The following CNTNAP2 variants were observed in gnomAD, a reference collection of about 807,000 sequenced individuals.
CNTNAP2 encodes contactin associated protein 2.
In CNTNAP2, 98 loss-of-function variants were observed where a neutral mutation model predicts 155.2. The ratio of observed to expected loss-of-function variants is 0.63; its 90% CI spans 0.54 to 0.75. The LOEUF is 0.75. Ranked by LOEUF, CNTNAP2 falls within the 30% of genes least tolerant of loss-of-function variation. The pLI, the probability that CNTNAP2 is intolerant of heterozygous loss-of-function variation, is 0.00. For missense variants in CNTNAP2, 1,727 were observed against 1,688.1 expected (o/e 1.02, Z -0.40); for synonymous variants, 651 against 631.2 (o/e 1.03, Z -0.47).
chr7:146,981,507 G>T (rs763427534), intron 3 of CNTNAP2, among the ~76,000 whole-genome samples: 112 of 152,066 alleles, frequency 7.4e-4, no homozygotes, highest in Non-Finnish European at 1.5e-3. Context: ...AATGTATCTT[G>T]GTGTGATACG....
At chr7:147,983,038 C>T (rs1413281147) in intron 15 of CNTNAP2, among the ~76,000 whole-genome samples, 8 of 91,900 alleles carry the variant, frequency 8.7e-5, no homozygotes, top group Non-Finnish European at 2.0e-4. Context: ...AAAAAAAAAG[C>T]AAAAACAGAC....
chr7:146,180,748 A>G (rs992272818), intron 1 of CNTNAP2, among the ~76,000 whole-genome samples: 8 of 152,304 alleles, frequency 5.3e-5, no homozygotes, highest in East Asian at 3.9e-4. Context: ...TCTTCACCAC[A>G]GTCTTTGAAG....
In CNTNAP2 at chr7:146,503,345, A is replaced by G. The variant is rs1180255948; in HGVS notation, c.98-270926A>G. Among the ~76,000 whole-genome samples the G allele has an allele frequency of 2.6e-5, 4 of 152,320 alleles. No homozygotes were observed. In the East Asian group the frequency reaches 7.7e-4, roughly 29 times the overall value. ...CTCAGGATGGCTTTGAATATGGCCC[A>G]GTACAAATTTGTAAACTTTCTTAAA... On this transcript the variant is annotated intron_variant, in intron 1 of 23. Coordinates refer to ENST00000361727, the MANE Select transcript of CNTNAP2 (RefSeq NM_014141.6).
intron 9 of CNTNAP2, among the ~76,000 whole-genome samples, chr7:147,353,069 A>G (rs1795994912): frequency 6.8e-6 from 1 of 147,956 alleles, no homozygotes; most frequent in Non-Finnish European, 1.5e-5. Context: ...CTGTTTCAGC[A>G]TGTAGAATTC....
At chr7:148,309,100 G>A (rs1050974663) in intron 21 of CNTNAP2, among the ~76,000 whole-genome samples, 1 of 152,166 alleles carries the variant, frequency 6.6e-6, no homozygotes, top group African/African-American at 2.4e-5. Flanking sequence ...CCAGTAATGG[G>A]ATTGCTGGGT....
intron 2 of CNTNAP2, among the ~76,000 whole-genome samples, chr7:146,836,839 C>A (rs111468910): frequency 0.024 from 3,592 of 151,974 alleles, 162 homozygotes; most frequent in African/African-American, 0.084. Context: ...TTGAATATTA[C>A]GTTATTTTTA....
chr7:147,239,880 G>A (rs540348143), intron 8 of CNTNAP2, among the ~76,000 whole-genome samples: 1 of 152,234 alleles, frequency 6.6e-6, no homozygotes, highest in East Asian at 1.9e-4. Context: ...TGAGCTCCAA[G>A]TCGTAATGCA....
chr7:148,215,343 G>T (rs1351461434), intron 18 of CNTNAP2, among the ~76,000 whole-genome samples: 1 of 152,194 alleles, frequency 6.6e-6, no homozygotes, highest in African/African-American at 2.4e-5. Context: ...GGTGACACCA[G>T]TCCAAGTTTG....
chr7:146,493,582 A>C (rs1463771424), intron 1 of CNTNAP2, among the ~76,000 whole-genome samples: 1 of 152,128 alleles, frequency 6.6e-6, no homozygotes, highest in Non-Finnish European at 1.5e-5. Context: ...GGTTTCTGGG[A>C]CAGGTAAGGA....
intron 18 of CNTNAP2, among the ~76,000 whole-genome samples, chr7:148,201,708 G>A (rs1446431774): frequency 6.6e-6 from 1 of 151,996 alleles, no homozygotes. Context: ...GGGATGGGCA[G>A]GCAGCGTGCA....
chr7:147,150,833 A>G (rs561573395), intron 8 of CNTNAP2, among the ~76,000 whole-genome samples: 6 of 152,206 alleles, frequency 3.9e-5, no homozygotes, highest in Non-Finnish European at 5.9e-5. Context: ...AAGAAAATAA[A>G]CTGGAACTAC....
chr7:148,300,576 G>GAAAAAAAAA (rs71188963), intron 21 of CNTNAP2, among the ~76,000 whole-genome samples: 1 of 126,576 alleles, frequency 7.9e-6, no homozygotes. Context: ...GGCTAAGCAG[G>GAAAAAAAAA]AAAAAAAAAA....
intron 18 of CNTNAP2, among the ~76,000 whole-genome samples, chr7:148,214,235 T>C (rs989669250): frequency 2.0e-5 from 3 of 152,198 alleles, no homozygotes; most frequent in Non-Finnish European, 4.4e-5. Context: ...GCAAGAGTTG[T>C]CAGCACCCAG....
intron 8 of CNTNAP2, among the ~76,000 whole-genome samples, chr7:147,172,966 A>C (rs2116480427): frequency 6.6e-6 from 1 of 152,302 alleles, no homozygotes; most frequent in South Asian, 2.1e-4. Flanking sequence ...TCAAGAAGAA[A>C]GGAAAGAAGA....
chr7:147,921,625 A>G (rs1341317299), intron 14 of CNTNAP2, among the ~76,000 whole-genome samples: 1 of 152,190 alleles, frequency 6.6e-6, no homozygotes, highest in Admixed American at 6.5e-5. Context: ...CACCCCTGCT[A>G]TTATCATCTT....
chr7:146,523,071 G>A (rs1584962467), intron 1 of CNTNAP2, among the ~76,000 whole-genome samples: 1 of 151,978 alleles, frequency 6.6e-6, no homozygotes, highest in South Asian at 2.1e-4. Flanking sequence ...GTGGTGGTTT[G>A]TGGGATCCTG....
chr7:147,924,559 G>A (rs1800349582), intron 14 of CNTNAP2, among the ~76,000 whole-genome samples: 2 of 152,126 alleles, frequency 1.3e-5, no homozygotes, highest in African/African-American at 4.8e-5. Context: ...TAATTAACCT[G>A]CACAAGACCA....
chr7:146,520,060 C>A (rs1526165), intron 1 of CNTNAP2, among the ~76,000 whole-genome samples: 4 of 151,076 alleles, frequency 2.6e-5, no homozygotes, highest in Non-Finnish European at 4.4e-5. Flanking sequence ...GAATACGAAC[C>A]CACTTTCCCC....
chr7:146,346,104 T>TA (rs921396613), intron 1 of CNTNAP2, among the ~76,000 whole-genome samples: 3 of 152,048 alleles, frequency 2.0e-5, no homozygotes, highest in African/African-American at 7.2e-5. Context: ...AACTTCATAG[T>TA]AAAAACGATA....
Sources: gnomAD v4.1 joint callset for allele counts (sites outside exome capture counted in the v4.1 genomes callset) on GRCh38, gnomAD v4.1.1 for gene constraint, MANE v1.5 for transcripts, NCBI Gene and HGNC (gene_info 2026-07-23, HGNC 2026-07-21) for gene names.